Variants in CPNE3 observed in about 807,000 individuals in gnomAD.
CPNE3 encodes the protein copine 3, also known as copine-3.
Under a neutral mutation model 63.9 loss-of-function variants are expected in CPNE3, and 68 were observed. The ratio of observed to expected loss-of-function variants is 1.06; its 90% confidence interval spans 0.87 to 1.30. CPNE3 has a LOEUF of 1.30. Among genes scored for constraint, CPNE3 ranks in the 50% most tolerant of loss-of-function variants. The pLI is 0.00. For missense variants in CPNE3, 665 were observed against 578.1 expected (o/e 1.15, Z -1.54); for synonymous variants, 219 against 197.5 (o/e 1.11, Z -0.91).
intron 12 of CPNE3, among the ~76,000 whole-genome samples, chr8:86,550,372 G>A (rs146509451): frequency 3.7e-4 from 56 of 152,170 alleles, no homozygotes; most frequent in African/African-American, 1.2e-3. Flanking sequence ...CCTCAGCCTG[G>A]GGGAAATATT....
intron 8 of CPNE3, among the ~76,000 whole-genome samples, chr8:86,542,028 A>G (rs761339742): frequency 6.6e-6 from 1 of 152,202 alleles, no homozygotes; most frequent in Non-Finnish European, 1.5e-5. Context: ...AATATCTTTT[A>G]AACTTTTTTG....
intron 2 of CPNE3, among the ~76,000 whole-genome samples, chr8:86,524,253 A>G (rs1279464892): frequency 6.6e-6 from 1 of 152,186 alleles, no homozygotes; most frequent in African/African-American, 2.4e-5. Context: ...GAGGAAGTAG[A>G]TAAGACTTCA....
At chr8:86,531,772 A>C (rs1466726230) in intron 5 of CPNE3, among the ~76,000 whole-genome samples, 2 of 152,108 alleles carry the variant, frequency 1.3e-5, no homozygotes, top group South Asian at 2.1e-4. Context: ...ATTGTATTTC[A>C]CATTTCCCAT....
intron 5 of CPNE3, among the ~76,000 whole-genome samples, chr8:86,531,974 T>C (rs1563689997): frequency 6.6e-6 from 1 of 152,162 alleles, no homozygotes; most frequent in Non-Finnish European, 1.5e-5. Context: ...AGTTTAAATC[T>C]CCAAAGGCAT....
At chr8:86,550,967 A>G in intron 12 of CPNE3, 79 bp from the exon 13 acceptor site, 2 of 1,375,962 alleles carry the variant, frequency 1.5e-6, no homozygotes, top group Non-Finnish European at 1.9e-6. Context: ...ATGAGCTCAT[A>G]TGGATTTTAT....
chr8:86,550,558 T>C (rs1016102), intron 12 of CPNE3, among the ~76,000 whole-genome samples: 110,838 of 152,056 alleles, frequency 0.73, 41,352 homozygotes, highest in African/African-American at 0.84. Flanking sequence ...TGGCTATTCA[T>C]GTGATGTTAT....
intron 8 of CPNE3, among the ~76,000 whole-genome samples, chr8:86,541,373 G>A (rs1205916872): frequency 1.3e-5 from 2 of 152,138 alleles, no homozygotes; most frequent in African/African-American, 2.4e-5. Context: ...TGAAAGTTTT[G>A]TAAAAATTTT....
At chr8:86,516,868 G>A (rs968065162) in intron 2 of CPNE3, among the ~76,000 whole-genome samples, 5 of 152,188 alleles carry the variant, frequency 3.3e-5, no homozygotes, top group Admixed American at 3.3e-4. Flanking sequence ...AACTATAAAA[G>A]TTAATGTTAG....
At chr8:86,536,483 C>A (rs1820807118) in intron 6 of CPNE3, among the ~76,000 whole-genome samples, 1 of 151,842 alleles carries the variant, frequency 6.6e-6, no homozygotes, top group Non-Finnish European at 1.5e-5. Context: ...ACTTAAGATT[C>A]TTCTTAGAGA....
chr8:86,532,625 T>A, intron 6 of CPNE3, 45 bp downstream of exon 6: 2 of 1,519,230 alleles, frequency 1.3e-6, no homozygotes, highest in Non-Finnish European at 1.8e-6. Flanking sequence ...ATGTTTTGCC[T>A]CTTTTTTAAG....
intron 15 of CPNE3, 149 bp from the exon 16 acceptor site, chr8:86,555,953 C>T (rs1821315419): frequency 3.0e-6 from 2 of 666,338 alleles, no homozygotes; most frequent in Admixed American, 4.6e-5. Context: ...TCCTTGTCAT[C>T]AGAGAAGCTT....
At chr8:86,528,811 G>A (rs1820600306) in intron 3 of CPNE3, 134 bp downstream of exon 3, 2 of 1,351,062 alleles carry the variant, frequency 1.5e-6, no homozygotes, top group Admixed American at 2.7e-5. Context: ...GTCCTTGATT[G>A]TAGAATTTTT....
In CPNE3 at chr8:86,551,224, C is replaced by G; in HGVS notation, c.1110C>G (p.Pro370=). The part of the protein sequence containing the change: ...EFPMNFNPSN[P]YCNGIQGIVE... Reference sequence around the variant, plus strand: ...CAATGAACTTCAACCCATCCAATCCCTACTGCAATGGTAAGTTAAAAAATA... The same window carrying G: ...CAATGAACTTCAACCCATCCAATCCGTACTGCAATGGTAAGTTAAAAAATA... Residue 370 remains proline, a synonymous_variant, in exon 14 of 17, where the codon CCC becomes CCG. Coordinates refer to ENST00000517490, the MANE Select transcript of CPNE3 (RefSeq NM_003909.5). 1.3e-6 allele frequency: 2 copies of G among 1,594,804 alleles called. No homozygotes were observed. The highest frequency in any genetic ancestry group is 8.6e-7 in the Non-Finnish European group (1 of 1,162,572).
rs1821439121 is a variant in CPNE3 at position 86,561,463 on chromosome 8, G to A, written c.*3053G>A. 1 of 152,134 alleles carries A rather than the reference G, an allele frequency of 6.6e-6. No individual in the cohort carries two copies. Among genetic ancestry groups the A allele is most frequent in the Non-Finnish European group, 1.5e-5 (1 of 68,016 alleles). 9.4% of individuals were successfully genotyped at this position (152,134 alleles called of 1,614,324 possible). A position where few individuals can be genotyped will look rare whatever the true frequency, so the allele number is the denominator to read the frequency against. ...TTCTTTACATGTGACCAAAACAATA[G>A]AAAAGTTAAAAATAAAATATAGTGT... On this transcript the variant is annotated 3_prime_UTR_variant, in exon 17 of 17. Transcript: ENST00000517490.
At position 86,537,607 on chromosome 8, in the gene CPNE3, GA is replaced by G; in HGVS notation, c.505del (p.Thr169HisfsTer7). 6.2e-7 allele frequency: 1 copy of G among 1,611,124 alleles called. No individual in the cohort carries two copies. The highest frequency in any genetic ancestry group is 8.5e-7 in the Non-Finnish European group (1 of 1,177,358). ...ACCCATACCTGGAATTCCACAAGCAGACATCTGATGGAAACTGGCTAATGGT... is the reference window on the plus strand; with the variant it reads ...ACCCATACCTGGAATTCCACAAGCAGCATCTGATGGAAACTGGCTAATGGT... ...SDPYLEFHKQ[T>X]SDGNWLMVHR... On this transcript the variant is annotated frameshift_variant, in exon 7 of 17. Transcript: ENST00000517490. LOFTEE classifies it high-confidence loss of function.
intron 14 of CPNE3, among the ~76,000 whole-genome samples, chr8:86,552,177 C>T (rs1236340826): frequency 1.3e-5 from 2 of 152,220 alleles, no homozygotes; most frequent in Admixed American, 1.3e-4. Flanking sequence ...TTGACAATTA[C>T]AAATGTATAG....
chr8:86,557,066 G>A (rs1041612171), intron 16 of CPNE3, among the ~76,000 whole-genome samples: 1 of 152,198 alleles, frequency 6.6e-6, no homozygotes, highest in Non-Finnish European at 1.5e-5. Context: ...CAGAAGGACA[G>A]CTGGCTGTTG....
intron 9 of CPNE3, among the ~76,000 whole-genome samples, chr8:86,546,268 C>A (rs1821048750): frequency 6.6e-6 from 1 of 151,298 alleles, no homozygotes; most frequent in Non-Finnish European, 1.5e-5. Flanking sequence ...TCATAGGGCC[C>A]AACTCTATGG....
intron 10 of CPNE3, 132 bp downstream of exon 10, chr8:86,546,813 G>A (rs959945079): frequency 4.2e-5 from 37 of 884,060 alleles, no homozygotes; most frequent in Non-Finnish European, 5.4e-5. Context: ...CTGGGTTCAA[G>A]CAATTCTCTG....
Sources: gnomAD v4.1 joint callset for allele counts (sites outside exome capture counted in the v4.1 genomes callset) on GRCh38, gnomAD v4.1.1 for gene constraint, MANE v1.5 for transcripts, NCBI Gene and HGNC (gene_info 2026-07-23, HGNC 2026-07-21) for gene names.